The following MYO3A variants were observed in gnomAD, a reference collection of about 807,000 sequenced individuals.
MYO3A encodes myosin IIIA.
Under a neutral mutation model 192.7 loss-of-function variants are expected in MYO3A, and 180 were observed. That is an observed-to-expected ratio of 0.93 (90% CI 0.83 to 1.06). The LOEUF (loss-of-function observed/expected upper bound fraction) is 1.06. MYO3A is among the 50% of genes least tolerant of loss of function. MYO3A has a pLI of 0.00. For missense variants in MYO3A, 1,896 were observed against 1,905.0 expected (o/e 1.00, Z 0.09); for synonymous variants, 628 against 645.3 (o/e 0.97, Z 0.41).
At chr10:26,203,151 T>A (rs751386918) in intron 34 of MYO3A, 44 bp downstream of exon 34, 1 of 1,582,558 alleles carries the variant, frequency 6.3e-7, no homozygotes, top group Non-Finnish European at 8.7e-7. Flanking sequence ...AGTTTTATAC[T>A]CACAATTTCA....
intron 8 of MYO3A, chr10:26,022,426 T>C (rs1842355010): frequency 6.6e-6 from 1 of 152,206 alleles, no homozygotes; most frequent in Non-Finnish European, 1.5e-5. Flanking sequence ...GGTGACAGGG[T>C]TCCAAAACAT....
chr10:26,006,007 G>T (rs954569405), intron 6 of MYO3A, among the ~76,000 whole-genome samples: 1 of 151,918 alleles, frequency 6.6e-6, no homozygotes, highest in South Asian at 2.1e-4. Context: ...CAGAACCTGT[G>T]GGCTCAGGAG....
intron 10 of MYO3A, among the ~76,000 whole-genome samples, chr10:26,055,996 A>G (rs1338908992): frequency 6.6e-6 from 1 of 152,216 alleles, no homozygotes; most frequent in Non-Finnish European, 1.5e-5. Context: ...AAACAGAGCA[A>G]GCATCAGAAC....
At chr10:26,154,024 T>G in intron 24 of MYO3A, 95 bp downstream of exon 24, 1 of 910,066 alleles carries the variant, frequency 1.1e-6, no homozygotes, top group Non-Finnish European at 1.8e-6. Context: ...AGTTTTTTTC[T>G]TAGTTTTTCT....
intron 6 of MYO3A, among the ~76,000 whole-genome samples, chr10:25,998,755 A>G (rs1193661754): frequency 6.6e-6 from 1 of 152,228 alleles, no homozygotes; most frequent in African/African-American, 2.4e-5. Flanking sequence ...AGTATCAATA[A>G]ACAACTTTTT....
intron 18 of MYO3A, among the ~76,000 whole-genome samples, chr10:26,123,722 C>G (rs967899798): frequency 1.8e-4 from 27 of 152,194 alleles, no homozygotes; most frequent in Middle Eastern, 3.4e-3. Flanking sequence ...GTCAGCAGAT[C>G]GAGACCATCC....
intron 4 of MYO3A, among the ~76,000 whole-genome samples, chr10:25,986,144 A>G (rs1299713577): frequency 1.3e-5 from 2 of 152,198 alleles, no homozygotes; most frequent in Non-Finnish European, 2.9e-5. Flanking sequence ...AGCATTTGAC[A>G]AAATCCAGCA....
At chr10:26,172,764 G>C (rs564113960) in intron 29 of MYO3A, among the ~76,000 whole-genome samples, 8 of 152,096 alleles carry the variant, frequency 5.3e-5, no homozygotes, top group Non-Finnish European at 8.8e-5. Context: ...TACTAGCCTG[G>C]GGATACCACA....
At chr10:25,939,902 CTGTTT>C (rs1836366139) in intron 2 of MYO3A, among the ~76,000 whole-genome samples, 1 of 151,542 alleles carries the variant, frequency 6.6e-6, no homozygotes, top group Non-Finnish European at 1.5e-5. Flanking sequence ...TTTTGGGGTT[CTGTTT>C]TGAGTTTTTG....
chr10:26,204,780 A>G lies in MYO3A; in HGVS notation c.4730+1673A>G, dbSNP rs550029562. On this transcript the variant is annotated intron_variant, in intron 34 of 34. Coordinates refer to ENST00000642920, the MANE Select transcript of MYO3A (RefSeq NM_017433.5). ...AGGGGTGGATAGAATAGTGCATAAG[A>G]TGTGATCCTTACCTCCAAGAGCTTG... Among the ~76,000 whole-genome samples, 4 of 152,370 alleles carry G rather than the reference A, an allele frequency of 2.6e-5. No individual in the cohort carries two copies. In the South Asian group the frequency reaches 6.2e-4, roughly 24 times the overall value.
At chr10:26,125,253 T>C in intron 18 of MYO3A, 145 bp from the exon 19 acceptor site, 2 of 794,194 alleles carry the variant, frequency 2.5e-6, no homozygotes, top group Non-Finnish European at 4.2e-6. Flanking sequence ...AGGACTCATG[T>C]TGGATAGTAT....
chr10:25,936,511 G>A (rs1836074453), intron 2 of MYO3A, among the ~76,000 whole-genome samples: 1 of 152,080 alleles, frequency 6.6e-6, no homozygotes, highest in Non-Finnish European at 1.5e-5. Context: ...TAATTTGAAT[G>A]ATTGTACCTA....
intron 10 of MYO3A, among the ~76,000 whole-genome samples, chr10:26,042,402 C>G (rs932506470): frequency 6.6e-6 from 1 of 152,030 alleles, no homozygotes; most frequent in African/African-American, 2.4e-5. Context: ...AAACTTTCTA[C>G]CCCTCTTTCT....
At chr10:26,098,083 T>G (rs911582136) in intron 17 of MYO3A, among the ~76,000 whole-genome samples, 1 of 152,150 alleles carries the variant, frequency 6.6e-6, no homozygotes, top group Non-Finnish European at 1.5e-5. Context: ...CACCTGTTGT[T>G]TCCTGACTTT....
intron 11 of MYO3A, among the ~76,000 whole-genome samples, chr10:26,067,576 C>A (rs1387937076): frequency 6.6e-6 from 1 of 152,168 alleles, no homozygotes; most frequent in African/African-American, 2.4e-5. Flanking sequence ...GGTCAGTGTT[C>A]TTCCTCATGG....
At chr10:25,975,951 G>A (rs940382503) in intron 4 of MYO3A, among the ~76,000 whole-genome samples, 3 of 152,182 alleles carry the variant, frequency 2.0e-5, no homozygotes, top group Non-Finnish European at 4.4e-5. Context: ...TTTAAAGGTA[G>A]TAAGCTAGAA....
intron 7 of MYO3A, among the ~76,000 whole-genome samples, chr10:26,021,150 G>A (rs1262283985): frequency 6.6e-6 from 1 of 152,094 alleles, no homozygotes; most frequent in African/African-American, 2.4e-5. Flanking sequence ...TCCCTCAATA[G>A]ACATTTATTG....
chr10:26,020,492 T>C (rs1479769946), intron 7 of MYO3A, among the ~76,000 whole-genome samples: 1 of 152,222 alleles, frequency 6.6e-6, no homozygotes, highest in African/African-American at 2.4e-5. Context: ...GAAGGTGAGA[T>C]ATCATTCCTA....
At chr10:26,068,946 ATTAAT>A in intron 12 of MYO3A, 62 bp downstream of exon 12, 1 of 1,107,460 alleles carries the variant, frequency 9.0e-7, no homozygotes, top group Non-Finnish European at 1.4e-6. Flanking sequence ...AGATACTTAA[ATTAAT>A]TTAAATGAAT....
Sources: allele counts gnomAD v4.1 joint callset (sites outside exome capture counted in the v4.1 genomes callset), GRCh38; gene constraint gnomAD v4.1.1; transcripts MANE v1.5; gene names NCBI Gene and HGNC (gene_info 2026-07-23, HGNC 2026-07-21).